ASTN2: variants seen among roughly 807,000 people sequenced by gnomAD.
The protein encoded by ASTN2 is astrotactin-2.
ASTN2 carries 54 observed loss-of-function variants against 139.8 expected under a neutral mutation model. That is an observed-to-expected ratio of 0.39 (90% CI 0.31 to 0.48). The LOEUF (loss-of-function observed/expected upper bound fraction) is 0.48. Ranked by LOEUF, ASTN2 falls within the 20% of genes least tolerant of loss-of-function variation. The pLI, the probability that ASTN2 is intolerant of heterozygous loss-of-function variation, is 0.95. For missense variants in ASTN2, 1,565 were observed against 1,725.1 expected (o/e 0.91, Z 1.64); for synonymous variants, 756 against 719.5 (o/e 1.05, Z -0.81).
At chr9:116,687,371 C>T in intron 16 of ASTN2, 1 of 230,692 alleles carries the variant, frequency 4.3e-6, no homozygotes, top group South Asian at 1.9e-4. Context: ...GTCGGAGCCG[C>T]GGGCGGTCAG....
At chr9:117,345,075 A>G (rs1829174012) in intron 1 of ASTN2, among the ~76,000 whole-genome samples, 3 of 152,138 alleles carry the variant, frequency 2.0e-5, no homozygotes, top group Admixed American at 2.0e-4. Flanking sequence ...CCATGGAGAT[A>G]AAAGAGCCCA....
chr9:116,898,301 C>T (rs187753061), intron 10 of ASTN2, among the ~76,000 whole-genome samples: 134 of 151,276 alleles, frequency 8.9e-4, no homozygotes, highest in Non-Finnish European at 1.7e-3. Context: ...CTCAGCTACT[C>T]GGGTGGCTAA....
At chr9:116,516,624 T>C (rs1253109323) in intron 19 of ASTN2, among the ~76,000 whole-genome samples, 1 of 152,122 alleles carries the variant, frequency 6.6e-6, no homozygotes, top group African/African-American at 2.4e-5. Context: ...CACAGACCCT[T>C]TGAAGGAACT....
At chr9:116,561,838 T>A (rs1852930300) in intron 19 of ASTN2, among the ~76,000 whole-genome samples, 1 of 152,250 alleles carries the variant, frequency 6.6e-6, no homozygotes, top group Non-Finnish European at 1.5e-5. Context: ...GTCTTTGTCC[T>A]CCACTGGCCT....
intron 1 of ASTN2, among the ~76,000 whole-genome samples, chr9:117,349,665 C>T (rs1028520174): frequency 1.9e-4 from 29 of 152,278 alleles, no homozygotes; most frequent in African/African-American, 6.7e-4. Flanking sequence ...GACTTAATGA[C>T]TCACTTCTAA....
intron 20 of ASTN2, among the ~76,000 whole-genome samples, chr9:116,460,965 T>C (rs1201178339): frequency 6.6e-6 from 1 of 152,102 alleles, no homozygotes; most frequent in Non-Finnish European, 1.5e-5. Context: ...GCATTTCCTA[T>C]TTTTTGGCTA....
At chr9:116,440,939 T>C in intron 21 of ASTN2, 147 bp from the exon 22 acceptor site, 1 of 759,642 alleles carries the variant, frequency 1.3e-6, no homozygotes, top group Non-Finnish European at 2.1e-6. Flanking sequence ...TCATCTTGAA[T>C]ATGTTATTGA....
At chr9:117,089,192 G>T (rs914948860) in intron 5 of ASTN2, among the ~76,000 whole-genome samples, 1 of 152,158 alleles carries the variant, frequency 6.6e-6, no homozygotes, top group Admixed American at 6.5e-5. Flanking sequence ...AAATATCCTT[G>T]TATGACAATA....
intron 13 of ASTN2, among the ~76,000 whole-genome samples, chr9:116,777,836 C>CT (rs959970059): frequency 2.0e-4 from 29 of 146,712 alleles, no homozygotes; most frequent in Admixed American, 5.6e-4. Context: ...ATTACTTTCT[C>CT]TTTTTTTTGT....
chr9:117,245,798 C>T (rs924074963), intron 2 of ASTN2, among the ~76,000 whole-genome samples: 5 of 152,154 alleles, frequency 3.3e-5, no homozygotes, highest in South Asian at 4.1e-4. Context: ...CTTTGCCTAG[C>T]TAATTCCTTC....
intron 1 of ASTN2, among the ~76,000 whole-genome samples, chr9:117,367,578 C>A (rs1829877766): frequency 6.6e-6 from 1 of 152,246 alleles, no homozygotes; most frequent in South Asian, 2.1e-4. Context: ...TGAGTTCCTT[C>A]TTCATTGTCT....
intron 19 of ASTN2, among the ~76,000 whole-genome samples, chr9:116,534,791 A>G (rs896660181): frequency 2.6e-5 from 4 of 152,156 alleles, no homozygotes; most frequent in African/African-American, 9.7e-5. Context: ...CTATGTGGTC[A>G]ATTTTGGAAT....
At chr9:116,866,210 C>G (rs1252076930) in intron 10 of ASTN2, among the ~76,000 whole-genome samples, 1 of 152,174 alleles carries the variant, frequency 6.6e-6, no homozygotes, top group East Asian at 1.9e-4. Flanking sequence ...GGAAAGTGTG[C>G]TAGGTAAACA....
At chr9:117,389,564 C>T (rs540156933) in intron 1 of ASTN2, among the ~76,000 whole-genome samples, 1 of 152,216 alleles carries the variant, frequency 6.6e-6, no homozygotes, top group South Asian at 2.1e-4. Context: ...TCTTACCTAC[C>T]TCCAGCCATT....
chr9:116,571,530 T>C lies in ASTN2; in HGVS notation c.3355+46794A>G, dbSNP rs146149328. On this transcript the variant is annotated intron_variant, in intron 19 of 22. Coordinates refer to ENST00000313400, the MANE Select transcript of ASTN2 (RefSeq NM_001365068.1). ...GAGTGTGAGTATTTGGTGTGTGCTG[T>C]GCTGTGGGTGCTACGTGAGTGGATG... is the stretch of plus-strand genomic sequence containing the variant. 1.4e-3 allele frequency among the ~76,000 whole-genome samples: 214 copies of C among 152,320 alleles called. 3 individuals are homozygous for C. In the South Asian group the frequency reaches 0.019, roughly 14 times the overall value.
At chr9:117,078,668 A>C (rs1392184120) in intron 5 of ASTN2, among the ~76,000 whole-genome samples, 5 of 152,156 alleles carry the variant, frequency 3.3e-5, no homozygotes, top group Non-Finnish European at 7.3e-5. Context: ...AGTCTTAACC[A>C]TCTATGCCTT....
At chr9:117,254,456 A>G (rs1162670293) in intron 2 of ASTN2, among the ~76,000 whole-genome samples, 1 of 152,194 alleles carries the variant, frequency 6.6e-6, no homozygotes, top group Non-Finnish European at 1.5e-5. Context: ...GATTTGACCA[A>G]CAGCTCCTGA....
rs527250685 is a variant in ASTN2, at chr9:117,414,264, C to G, written c.442+233G>C. Among the ~76,000 whole-genome samples, 1 of 152,232 alleles carries G rather than the reference C, an allele frequency of 6.6e-6. No individual in the cohort carries two copies. Among genetic ancestry groups the G allele is most frequent in the South Asian group, 2.1e-4 (1 of 4,822 alleles). The stretch of plus-strand genomic sequence containing the variant: ...GGACTGAGAGGCAGAGGGGCAGGTT[C>G]CCACTGCGGGAGGGTTGGCACGCCC... On this transcript the variant is annotated intron_variant, in intron 1 of 22. Transcript: ENST00000313400. The surrounding 1 kb of genome is among the most constrained non-coding windows in gnomAD (Gnocchi z 4.2).
intron 3 of ASTN2, among the ~76,000 whole-genome samples, chr9:117,209,426 G>C (rs1005320810): frequency 6.6e-6 from 1 of 151,918 alleles, no homozygotes; most frequent in Admixed American, 6.6e-5. Flanking sequence ...GACTAAACAG[G>C]CTTCAATTCA....
Sources: gnomAD v4.1 joint callset for allele counts (sites outside exome capture counted in the v4.1 genomes callset) on GRCh38, gnomAD v4.1.1 for gene constraint, Gnocchi (gnomAD v3.1) non-coding constraint, MANE v1.5 for transcripts, NCBI Gene and HGNC (gene_info 2026-07-23, HGNC 2026-07-21) for gene names.